Variants in DNAH2 observed in about 807,000 individuals in gnomAD.
DNAH2 encodes axonemal beta dynein heavy chain 2.
A neutral mutation model predicts 523.5 loss-of-function variants in DNAH2; 323 were observed. That is an observed-to-expected ratio of 0.62 (90% CI 0.56 to 0.68). DNAH2 has a LOEUF of 0.68. Ranked by LOEUF, DNAH2 falls within the 30% of genes least tolerant of loss-of-function variation. The pLI, the probability that DNAH2 is intolerant of heterozygous loss-of-function variation, is 0.00. For missense variants in DNAH2, 4,907 were observed against 5,701.5 expected, an observed-to-expected ratio of 0.86 and a Z score of 4.49; for synonymous variants, 2,093 against 2,177.4, an observed-to-expected ratio of 0.96 and a Z score of 1.08.
Position 7,786,551 on chromosome 17 carries a change from C to G in DNAH2, c.6349-19C>G. The G allele has an allele frequency of 2.5e-6, 4 of 1,609,482 alleles. No homozygotes were observed. Among genetic ancestry groups the G allele is most frequent in the Non-Finnish European group, 1.7e-6 (2 of 1,176,586 alleles). On this transcript the variant is annotated intron_variant, in intron 40 of 85. Transcript: ENST00000572933. The surrounding 1 kb of genome is among the most constrained non-coding windows in gnomAD (Gnocchi z 7.5). ...TTTTGTCCATCAGCAGCTAAAACCC[C>G]TTCCGGTGTCATTTTCAGGAGTTCC...
In DNAH2 at chr17:7,799,236, C is replaced by T; in HGVS notation, c.8693C>T (p.Pro2898Leu). 6.2e-7 allele frequency: 1 copy of T among 1,614,018 alleles called. No homozygotes were observed. The highest frequency in any genetic ancestry group is 8.5e-7 in the Non-Finnish European group (1 of 1,179,894). The change falls in exon 56 of 86, where the codon CCC becomes CTC. Residue 2898 changes from proline to leucine, a missense_variant. This residue lies in a region of DNAH2 where 1,851 missense variants were observed against 2,139.4 expected (regional missense o/e 0.87). Coordinates refer to ENST00000572933, the MANE Select transcript of DNAH2 (RefSeq NM_020877.5). ...CTCTGCCTCAGCCCCATGGGGGATC[C>T]CTTCAGGTGACTTCTGTGACATCCT... ...IVLCLSPMGD[P>L]FRNWIRQYPA... is the part of the protein sequence containing the mutation.
intron 12 of DNAH2, among the ~76,000 whole-genome samples, chr17:7,752,584 C>T (rs1465646095): frequency 6.6e-6 from 1 of 152,002 alleles, no homozygotes; most frequent in Non-Finnish European, 1.5e-5. Flanking sequence ...GTGGCGGGCG[C>T]CTGTAGTCCC....
At chr17:7,833,336 C>T (rs938314024) in intron 85 of DNAH2, 43 bp from the exon 86 acceptor site, 1 of 1,610,230 alleles carries the variant, frequency 6.2e-7, no homozygotes, top group Non-Finnish European at 8.5e-7. Flanking sequence ...CCCTGCTCTC[C>T]CGGAGGCTCC....
At chr17:7,790,274 A>T (rs1244792891) in intron 44 of DNAH2, among the ~76,000 whole-genome samples, 1 of 152,230 alleles carries the variant, frequency 6.6e-6, no homozygotes, top group Non-Finnish European at 1.5e-5. Flanking sequence ...CTGTTGCCCA[A>T]GCTGAGTGCT....
In DNAH2 at chr17:7,832,432, T is replaced by C. The variant is rs1405184916; in HGVS notation, c.12727-147T>C. 5 of 923,862 alleles carry C rather than the reference T, an allele frequency of 5.4e-6. No homozygotes were observed. Among genetic ancestry groups the C allele is most frequent in the Non-Finnish European group, 8.2e-6 (5 of 612,526 alleles). 57.2% of individuals were successfully genotyped at this position (923,862 alleles called of 1,614,324 possible). The stretch of plus-strand genomic sequence containing the variant: ...GGCTGAGGCAGGAGAATAGCTTAAC[T>C]TGGGAGGTGGAGGTTGCAGTGAGCC... On this transcript the variant is annotated intron_variant, in intron 82 of 85. Transcript: ENST00000572933. This position sits in a 1 kb window ranked among gnomAD's most constrained non-coding sequence, Gnocchi z 4.3.
chr17:7,797,888 G>T, intron 53 of DNAH2, 59 bp downstream of exon 53: 1 of 1,534,966 alleles, frequency 6.5e-7, no homozygotes, highest in South Asian at 1.3e-5. Context: ...GTATGTCTAA[G>T]GAAATAGGGG....
At chr17:7,797,101 C>CAAA (rs75682576) in intron 50 of DNAH2, 75 bp from the exon 51 acceptor site, 4,233 of 870,232 alleles carry the variant, frequency 4.9e-3, no homozygotes, top group East Asian at 7.7e-3. Flanking sequence ...GACTCTGTCC[C>CAAA]AAAAAAAAAA....
chr17:7,798,571 G>C lies in DNAH2; in HGVS notation c.8412G>C (p.Leu2804=). 1 of 1,614,088 alleles carries C rather than the reference G, an allele frequency of 6.2e-7. No homozygotes were observed. Among genetic ancestry groups the C allele is most frequent in the Non-Finnish European group, 8.5e-7 (1 of 1,180,024 alleles). The change falls in exon 55 of 86, where the codon CTG becomes CTC. Residue 2804 remains leucine (L), a synonymous_variant. Coordinates refer to ENST00000572933, the MANE Select transcript of DNAH2 (RefSeq NM_020877.5). This position sits in a 1 kb window ranked among gnomAD's most constrained non-coding sequence, Gnocchi z 5.5. ...KQEFRDDIKR[L]YRQAGVELKT... is the part of the protein sequence containing the mutation. ...TCCCCCGGCCAGATATCAAGCGTCT[G>C]TATCGCCAGGCTGGGGTGGAGCTCA...
chr17:7,813,151 T>TA (rs2077566818), intron 63 of DNAH2, among the ~76,000 whole-genome samples: 1 of 152,162 alleles, frequency 6.6e-6, no homozygotes, highest in Admixed American at 6.5e-5. Context: ...GAATTTTTGA[T>TA]AGCTATTAAA....
chr17:7,750,360 T>C (rs2075650098), intron 12 of DNAH2, among the ~76,000 whole-genome samples: 1 of 152,224 alleles, frequency 6.6e-6, no homozygotes, highest in South Asian at 2.1e-4. Context: ...GGTGTTGTTT[T>C]CAAGGCCTGT....
intron 18 of DNAH2, 102 bp downstream of exon 18, chr17:7,761,034 T>A: frequency 7.2e-7 from 1 of 1,394,656 alleles, no homozygotes; most frequent in South Asian, 1.3e-5. Flanking sequence ...GAGCTGAGGA[T>A]GACATGTGTC....
chr17:7,832,606 G>A lies in DNAH2; in HGVS notation c.12754G>A (p.Ala4252Thr). The change falls in exon 83 of 86, where the codon GCC becomes ACC. Residue 4252 changes from alanine to threonine, a missense_variant. By Grantham distance (58) the Ala-to-Thr change is moderately conservative. Around this residue, in one of 3 missense-constraint regions of DNAH2, gnomAD observed 1,851 missense variants for 2,139.4 expected, o/e 0.87. Transcript: ENST00000572933. This position sits in a 1 kb window ranked among gnomAD's most constrained non-coding sequence, Gnocchi z 4.3. ...ATACCCCTCACAAAAGCCATTGGCT[G>A]CCTGGACCCGGGACTTGGCCATGCG... is the stretch of plus-strand genomic sequence containing the variant. ...KAYPSQKPLA[A>T]WTRDLAMRVE... 1 of 1,614,146 alleles carries A rather than the reference G, an allele frequency of 6.2e-7. No homozygotes were observed. The highest frequency in any genetic ancestry group is 8.5e-7 in the Non-Finnish European group (1 of 1,180,018).
In DNAH2 at chr17:7,807,932, G is replaced by A. The variant is rs1209119321; in HGVS notation, c.9729+346G>A. ...GCAAATTGGTCTTTGCCAGAGGGAT[G>A]GGTCAAGAGTGTCTGTGTCGCTTCT... is the stretch of plus-strand genomic sequence containing the variant. On this transcript the variant is annotated intron_variant, in intron 63 of 85. Transcript: ENST00000572933. The surrounding 1 kb of genome is among the most constrained non-coding windows in gnomAD (Gnocchi z 5.6). 6.6e-6 allele frequency among the ~76,000 whole-genome samples: 1 copy of A among 152,190 alleles called. No homozygotes were observed. The highest frequency in any genetic ancestry group is 1.5e-5 in the Non-Finnish European group (1 of 68,036).
intron 4 of DNAH2, among the ~76,000 whole-genome samples, chr17:7,732,588 A>T (rs191150263): frequency 6.6e-6 from 1 of 152,310 alleles, no homozygotes; most frequent in African/African-American, 2.4e-5. Context: ...AATTACATGA[A>T]AGATATATGC....
chr17:7,770,831 G>A lies in DNAH2; in HGVS notation c.4260G>A (p.Lys1420=), dbSNP rs751380125. ...CCATGAAGGCATCACGCTTTGTCAA[G>A]GCCTTTGAGAAGGATGTGGACCACT... ...LSTMKASRFV[K]AFEKDVDHWE... The change falls in exon 27 of 86, where the codon AAG becomes AAA. Residue 1420 remains lysine (K), a synonymous_variant. Coordinates refer to ENST00000572933, the MANE Select transcript of DNAH2 (RefSeq NM_020877.5). 5 of 1,614,182 alleles carry A rather than the reference G, an allele frequency of 3.1e-6. No individual in the cohort carries two copies. Among genetic ancestry groups the A allele is most frequent in the African/African-American group, 2.7e-5 (2 of 75,044 alleles).
chr17:7,776,394 A>G (rs1440703722), intron 31 of DNAH2, among the ~76,000 whole-genome samples: 1 of 152,210 alleles, frequency 6.6e-6, no homozygotes, highest in Admixed American at 6.5e-5. Flanking sequence ...TGAACCCAGT[A>G]GGTGAAGGTT....
intron 49 of DNAH2, among the ~76,000 whole-genome samples, chr17:7,795,175 A>T (rs535949651): frequency 6.6e-6 from 1 of 152,268 alleles, no homozygotes; most frequent in African/African-American, 2.4e-5. Context: ...GTAGTAATGC[A>T]ATATTTTTTA....
rs1448229989 is a variant in DNAH2, at chr17:7,786,683, T to G, written c.6462T>G (p.Cys2154Trp). Residue 2154 changes from cysteine to tryptophan, a missense_variant, in exon 41 of 86, where the codon TGT becomes TGG. Cys to Trp is a radical substitution (Grantham distance 215). Transcript: ENST00000572933. The surrounding 1 kb of genome is among the most constrained non-coding windows in gnomAD (Gnocchi z 7.5). Reference protein sequence around the residue: ...GILSSVMRTACADEKPDEKWI... With the variant: ...GILSSVMRTAWADEKPDEKWI... ...TGTCCAGTGTCATGCGGACGGCATG[T>G]GCAGGTATCCAGAGGATCGTGGGGT... The G allele has an allele frequency of 8.1e-6, 13 of 1,613,836 alleles. No homozygotes were observed. The highest frequency in any genetic ancestry group is 1.1e-5 in the Non-Finnish European group (13 of 1,179,988).
intron 13 of DNAH2, among the ~76,000 whole-genome samples, chr17:7,757,530 G>A (rs939752284): frequency 1.3e-5 from 2 of 152,094 alleles, no homozygotes; most frequent in East Asian, 1.9e-4. Flanking sequence ...GGAATGAGAC[G>A]GGCTGGCATT....
Sources: gnomAD v4.1 joint callset for allele counts (sites outside exome capture counted in the v4.1 genomes callset) on GRCh38, gnomAD v4.1.1 for gene constraint, gnomAD v4.1.1 regional missense constraint, Gnocchi (gnomAD v3.1) non-coding constraint, MANE v1.5 for transcripts, NCBI Gene and HGNC (gene_info 2026-07-23, HGNC 2026-07-21) for gene names.